HECTD4: variants seen among roughly 807,000 people sequenced by gnomAD.
HECTD4 encodes the protein probable E3 ubiquitin-protein ligase HECTD4.
A neutral mutation model predicts 471.5 loss-of-function variants in HECTD4; 114 were observed. That is an observed-to-expected ratio of 0.24 (90% confidence interval 0.21 to 0.28). The LOEUF (loss-of-function observed/expected upper bound fraction) is 0.28. HECTD4 is among the 10% of genes least tolerant of loss of function. The pLI, the probability that HECTD4 is intolerant of heterozygous loss-of-function variation, is 1.00. For missense variants in HECTD4, 3,866 were observed against 5,651.5 expected (o/e 0.68, Z 10.13); for synonymous variants, 2,012 against 2,256.0 (o/e 0.89, Z 3.07).
intron 44 of HECTD4, among the ~76,000 whole-genome samples, chr12:112,225,975 T>C (rs568854255): frequency 6.6e-6 from 1 of 152,282 alleles, no homozygotes; most frequent in South Asian, 2.1e-4. Flanking sequence ...TTTAGATAGG[T>C]GATAATGGTG....
chr12:112,307,950 AC>A (rs2035297702), intron 6 of HECTD4, among the ~76,000 whole-genome samples: 1 of 152,234 alleles, frequency 6.6e-6, no homozygotes, highest in African/African-American at 2.4e-5. Context: ...CTGTATTCTT[AC>A]ACTCAACAAT....
intron 20 of HECTD4, 196 bp from the exon 21 acceptor site, chr12:112,256,714 ATAT>A: frequency 2.6e-6 from 1 of 386,078 alleles, no homozygotes; most frequent in South Asian, 1.3e-4. Flanking sequence ...TTGTTGTCAG[ATAT>A]TATACTTGCT....
rs60480485 is a variant in HECTD4, at chr12:112,349,388, CAAAAAAA to C, written c.178-29653_178-29647del. Among the ~76,000 whole-genome samples, 36 of 54,720 alleles carry C rather than the reference CAAAAAAA, an allele frequency of 6.6e-4. No individual in the cohort carries two copies. In the Admixed American group the frequency reaches 6.7e-3, roughly 10 times the overall value. The allele number at this position is 54,720 out of a possible 152,430, so 35.9% of individuals were successfully genotyped here. On this transcript the variant is annotated intron_variant, in intron 1 of 75. Transcript: ENST00000682272. ...GGGCGACAGAGCAAGACTCTTGCTC[CAAAAAAA>C]AAAAAAAAAAAAAAAAGAAAGAAAA...
At chr12:112,225,761 G>T (rs976744824) in intron 44 of HECTD4, among the ~76,000 whole-genome samples, 14 of 152,034 alleles carry the variant, frequency 9.2e-5, no homozygotes, top group African/African-American at 3.1e-4. Flanking sequence ...ATCTTTATGG[G>T]AAAATTAGGA....
chr12:112,283,232 G>A lies in HECTD4; in HGVS notation c.1406C>T (p.Ser469Phe). 1 of 1,613,780 alleles carries A rather than the reference G, an allele frequency of 6.2e-7. No homozygotes were observed. Among genetic ancestry groups the A allele is most frequent in the South Asian group, 1.1e-5 (1 of 91,028 alleles). The stretch of plus-strand genomic sequence containing the variant: ...AAGCATCTCATTAATGCTTTTGGCA[G>A]ATTCGCCCTCTTTTCTCATTAGAAT... ...RTILMRKEGESAKSINEMLLS... is the reference protein window; with the variant it reads ...RTILMRKEGEFAKSINEMLLS... The change falls in exon 8 of 76, where the codon TCT (serine) becomes TTT (phenylalanine). Residue 469 changes from serine (S) to phenylalanine (F), a missense_variant. Around this residue, in one of 16 missense-constraint regions of HECTD4, gnomAD observed 440 missense variants for 636.0 expected, o/e 0.69. Transcript: ENST00000682272.
At position 112,184,048 on chromosome 12, in the gene HECTD4, C is replaced by T; in HGVS notation, c.10779+139G>A. 1.2e-6 allele frequency: 1 copy of T among 809,892 alleles called. No individual in the cohort carries two copies. Among genetic ancestry groups the T allele is most frequent in the Non-Finnish European group, 2.0e-6 (1 of 501,844 alleles). The allele number at this position is 809,892 out of a possible 1,614,324, so 50.2% of individuals were successfully genotyped here. On this transcript the variant is annotated intron_variant, in intron 61 of 75. Coordinates refer to ENST00000682272, the MANE Select transcript of HECTD4 (RefSeq NM_001388303.1). This position sits in a 1 kb window ranked among gnomAD's most constrained non-coding sequence, Gnocchi z 9.1. ...CGTTACCCCAAGCAGCCTCACTGTG[C>T]TCATTCCAAGGGCTGCCCCAGGGAG... is the stretch of plus-strand genomic sequence containing the variant.
chr12:112,316,800 C>T (rs2035488853), intron 2 of HECTD4, among the ~76,000 whole-genome samples: 1 of 151,330 alleles, frequency 6.6e-6, no homozygotes, highest in Non-Finnish European at 1.5e-5. Flanking sequence ...CTGAAAAGCA[C>T]ATGACTTCTG....
At chr12:112,258,697 A>G in intron 19 of HECTD4, 101 bp from the exon 20 acceptor site, 1 of 867,572 alleles carries the variant, frequency 1.2e-6, no homozygotes, top group South Asian at 1.8e-5. Flanking sequence ...ATCTTTTTAC[A>G]ATCCTAGTCT....
At chr12:112,189,655 TCCAG>T (rs2032010468) in intron 60 of HECTD4, among the ~76,000 whole-genome samples, 1 of 151,064 alleles carries the variant, frequency 6.6e-6, no homozygotes, top group African/African-American at 2.4e-5. Flanking sequence ...CCTCTGTGCC[TCCAG>T]CTCACCAAAG....
At chr12:112,274,761 A>G (rs1317123596) in intron 10 of HECTD4, 86 bp downstream of exon 10, 2 of 783,204 alleles carry the variant, frequency 2.6e-6, no homozygotes, top group African/African-American at 1.8e-5. Flanking sequence ...GAAAACTAGA[A>G]TGCCACAGGG....
intron 35 of HECTD4, among the ~76,000 whole-genome samples, chr12:112,236,540 T>C (rs1357808324): frequency 6.6e-6 from 1 of 152,176 alleles, no homozygotes; most frequent in East Asian, 1.9e-4. Context: ...AGGGAGTATA[T>C]AACCAGCACA....
At chr12:112,324,682 T>G (rs1355637125) in intron 1 of HECTD4, among the ~76,000 whole-genome samples, 1 of 152,158 alleles carries the variant, frequency 6.6e-6, no homozygotes, top group Non-Finnish European at 1.5e-5. Context: ...TGTTTTTTAG[T>G]GCTATTACCC....
In HECTD4 at chr12:112,163,822, G is replaced by C; in HGVS notation, c.12702-85C>G. Reference sequence around the variant, plus strand: ...CCACACCCACTCAGCTGGAGGTCCCGGATCCTCTCTTGGGAGAGGCCTGGG... The same window carrying C: ...CCACACCCACTCAGCTGGAGGTCCCCGATCCTCTCTTGGGAGAGGCCTGGG... On this transcript the variant is annotated intron_variant, in intron 73 of 75. Transcript: ENST00000682272. This position sits in a 1 kb window ranked among gnomAD's most constrained non-coding sequence, Gnocchi z 8.2. 8.0e-7 allele frequency: 1 copy of C among 1,249,302 alleles called. No individual in the cohort carries two copies. The allele number at this position is 1,249,302 out of a possible 1,614,324, so 77.4% of individuals were successfully genotyped here. A position where few individuals can be genotyped will look rare whatever the true frequency, so the allele number is the denominator to read the frequency against.
chr12:112,176,726 A>G (rs1198171895), intron 64 of HECTD4, 24 bp from the exon 65 acceptor site: 1 of 1,505,174 alleles, frequency 6.6e-7, no homozygotes, highest in South Asian at 1.1e-5. Flanking sequence ...CACTGGAATT[A>G]GACTAATGCA....
chr12:112,319,726 G>T lies in HECTD4; in HGVS notation c.194C>A (p.Thr65Asn). 1 of 1,246,152 alleles carries T rather than the reference G, an allele frequency of 8.0e-7. No homozygotes were observed. Among genetic ancestry groups the T allele is most frequent in the East Asian group, 3.1e-5 (1 of 32,596 alleles). 77.2% of individuals were successfully genotyped at this position (1,246,152 alleles called of 1,614,324 possible). Reference protein sequence around the residue: ...DTDLEILTFETKNPSELAERL... With the variant: ...DTDLEILTFENKNPSELAERL... ...TTCTGCTAATTCCGACGGGTTCTTGGTCTCAAAGGTTAAAATCTAAGGAAA... is the reference window on the plus strand; with the variant it reads ...TTCTGCTAATTCCGACGGGTTCTTGTTCTCAAAGGTTAAAATCTAAGGAAA... Residue 65 changes from threonine to asparagine, a missense_variant, in exon 2 of 76, where the codon ACC becomes AAC. This residue lies in a region of HECTD4 where 440 missense variants were observed against 636.0 expected (regional missense o/e 0.69). Transcript: ENST00000682272. The surrounding 1 kb of genome is among the most constrained non-coding windows in gnomAD (Gnocchi z 5.3).
intron 52 of HECTD4, among the ~76,000 whole-genome samples, chr12:112,205,735 C>T (rs150238412): frequency 3.2e-3 from 490 of 151,836 alleles, no homozygotes; most frequent in African/African-American, 0.01. Flanking sequence ...GGATTACAGG[C>T]GCGCACTACC....
Position 112,200,632 on chromosome 12 carries a change from T to C in HECTD4, c.8567+6A>G, listed in dbSNP as rs374263329. The C allele has an allele frequency of 4.2e-5, 68 of 1,608,934 alleles. No individual in the cohort carries two copies. The East Asian group carries it at 1.3e-3, about 31-fold the overall frequency. Reference sequence around the variant, plus strand: ...TGACCCAGTAGAAAGAAGGGCCCAATTGTACCTGTGAATTTGAAGGTTGGT... The same window carrying C: ...TGACCCAGTAGAAAGAAGGGCCCAACTGTACCTGTGAATTTGAAGGTTGGT... On this transcript the variant is annotated splice_donor_region_variant and intron_variant, in intron 55 of 75. Coordinates refer to ENST00000682272, the MANE Select transcript of HECTD4 (RefSeq NM_001388303.1).
chr12:112,372,630 A>G (rs2036703645), intron 1 of HECTD4, among the ~76,000 whole-genome samples: 1 of 151,850 alleles, frequency 6.6e-6, no homozygotes, highest in Admixed American at 6.6e-5. Context: ...GGATCTTGCT[A>G]TGTTGCCCAG....
At position 112,169,356 on chromosome 12, in the gene HECTD4, C is replaced by A. The variant is rs551357960; in HGVS notation, c.12208+147G>T. The A allele has an allele frequency of 4.4e-5, 41 of 929,604 alleles. 3 individuals are homozygous for A. The South Asian group carries it at 7.2e-4, about 16-fold the overall frequency. The allele number at this position is 929,604 out of a possible 1,614,324, so 57.6% of individuals were successfully genotyped here. ...TGGTCTGGAGGACACGGGCGTGAGG[C>A]CACTCTGGGTGCAGACCTGGCTTCT... On this transcript the variant is annotated intron_variant, in intron 70 of 75. Transcript: ENST00000682272.
Sources: allele counts gnomAD v4.1 joint callset (sites outside exome capture counted in the v4.1 genomes callset), GRCh38; gene constraint gnomAD v4.1.1; regional missense constraint gnomAD v4.1.1; non-coding constraint Gnocchi (gnomAD v3.1); transcripts MANE v1.5; gene names NCBI Gene and HGNC (gene_info 2026-07-23, HGNC 2026-07-21).